INSL6: variants seen among roughly 807,000 people sequenced by gnomAD.
INSL6 encodes the protein insulin-like peptide INSL6.
Under a neutral mutation model 9.4 loss-of-function variants are expected in INSL6, and 16 were observed. The observed-to-expected ratio is 1.70, with a 90% confidence interval of 1.15 to 2.59. INSL6 has a LOEUF of 2.59. Among genes scored for constraint, INSL6 ranks in the 30% most tolerant of loss-of-function variants. INSL6 has a pLI of 0.00. For missense variants in INSL6, 391 were observed against 257.3 expected, an observed-to-expected ratio of 1.52 and a Z score of -3.56; for synonymous variants, 154 against 96.9, an observed-to-expected ratio of 1.59 and a Z score of -3.46.
chr9:5,018,851 C>T, the INSL6 span, among the ~76,000 whole-genome samples: 1 of 152,154 alleles, frequency 6.6e-6, no homozygotes, highest in African/African-American at 2.4e-5. Flanking sequence ...TCTTCCTGGC[C>T]TGTAATGATT....
chr9:5,030,489 T>C, the INSL6 span, among the ~76,000 whole-genome samples: 2 of 152,270 alleles, frequency 1.3e-5, no homozygotes, highest in East Asian at 1.9e-4. Flanking sequence ...TATATACATA[T>C]ATATATAATT....
chr9:5,011,964 T>G, the INSL6 span, among the ~76,000 whole-genome samples: 1 of 152,212 alleles, frequency 6.6e-6, no homozygotes, highest in South Asian at 2.1e-4. Flanking sequence ...ATCCTGACTC[T>G]CCAGGACCAG....
At chr9:5,043,675 AAAATAAT>A in the INSL6 span, among the ~76,000 whole-genome samples, 1 of 152,240 alleles carries the variant, frequency 6.6e-6, no homozygotes, top group South Asian at 2.1e-4. Flanking sequence ...TCACAATAGA[AAAATAAT>A]AGAAACAAAC....
intron 2 of INSL6, among the ~76,000 whole-genome samples, chr9:5,152,945 G>A (rs962613493): frequency 3.3e-5 from 5 of 152,102 alleles, no homozygotes; most frequent in African/African-American, 1.2e-4. Flanking sequence ...AAGCACAAGG[G>A]GTCAGGGAAC....
intron 1 of INSL6, among the ~76,000 whole-genome samples, chr9:5,172,249 T>C (rs1825198562): frequency 6.6e-6 from 1 of 152,056 alleles, no homozygotes; most frequent in Non-Finnish European, 1.5e-5. Context: ...AAGGATCCGC[T>C]ATTTAATAAA....
At chr9:5,112,008 T>C in the INSL6 span, 7 of 387,200 alleles carry the variant, frequency 1.8e-5, no homozygotes, top group Non-Finnish European at 3.6e-5. Flanking sequence ...GACGTCGCAC[T>C]AGCCTGGAGC....
At chr9:5,019,059 T>G in the INSL6 span, among the ~76,000 whole-genome samples, 2 of 152,204 alleles carry the variant, frequency 1.3e-5, no homozygotes, top group African/African-American at 2.4e-5. Flanking sequence ...TTTGTCTTTT[T>G]GGGGATCTCT....
At chr9:5,077,654 G>C in the INSL6 span, 1 of 966,698 alleles carries the variant, frequency 1.0e-6, no homozygotes, top group Non-Finnish European at 1.4e-6. Flanking sequence ...TCTTTACCTG[G>C]AAACAAAAAA....
intron 3 of INSL6, among the ~76,000 whole-genome samples, chr9:5,130,976 G>A (rs564641257): frequency 1.3e-4 from 20 of 151,772 alleles, no homozygotes; most frequent in Non-Finnish European, 1.3e-4. Context: ...TGATCCGCCC[G>A]CCTCGGCCTC....
intron 2 of INSL6, among the ~76,000 whole-genome samples, chr9:5,134,276 T>C (rs551415740): frequency 6.6e-6 from 1 of 152,272 alleles, no homozygotes; most frequent in East Asian, 1.9e-4. Flanking sequence ...CTTCAGGATA[T>C]TATCCACGAG....
At chr9:5,058,853 A>G in the INSL6 span, among the ~76,000 whole-genome samples, 1 of 152,170 alleles carries the variant, frequency 6.6e-6, no homozygotes, top group East Asian at 1.9e-4. Flanking sequence ...AGAAATATAT[A>G]TTCAAGTCCT....
intron 2 of INSL6, among the ~76,000 whole-genome samples, chr9:5,148,941 A>C (rs186236876): frequency 0.011 from 1,553 of 147,336 alleles, 18 homozygotes; most frequent in African/African-American, 0.041. Flanking sequence ...CTGGCCTGCA[A>C]AACAGACATG....
At chr9:5,052,216 A>C in the INSL6 span, among the ~76,000 whole-genome samples, 1 of 152,106 alleles carries the variant, frequency 6.6e-6, no homozygotes, top group East Asian at 1.9e-4. Context: ...CTGTCATCCA[A>C]AGTCTTGGCA....
At chr9:5,179,920 G>C (rs11795305) in intron 1 of INSL6, among the ~76,000 whole-genome samples, 32,983 of 152,110 alleles carry the variant, frequency 0.22, 4,508 homozygotes, top group South Asian at 0.3. Context: ...GTGATAGGAT[G>C]ATCTGTGCAG....
At chr9:5,069,054 G>C in the INSL6 span, 1 of 1,600,746 alleles carries the variant, frequency 6.2e-7, no homozygotes, top group South Asian at 1.1e-5. Context: ...AACACTGTTT[G>C]ATTACAAAAA....
At chr9:5,003,619 T>A in the INSL6 span, among the ~76,000 whole-genome samples, 1 of 152,106 alleles carries the variant, frequency 6.6e-6, no homozygotes, top group African/African-American at 2.4e-5. Flanking sequence ...TTCTTTTAAA[T>A]TTCCTACATA....
chr9:5,035,250 C>T, the INSL6 span, among the ~76,000 whole-genome samples: 2 of 152,108 alleles, frequency 1.3e-5, no homozygotes, highest in African/African-American at 4.8e-5. Flanking sequence ...AATAGTTTAC[C>T]AACCAAAAAA....
the INSL6 span, among the ~76,000 whole-genome samples, chr9:5,107,345 T>C: frequency 6.6e-6 from 1 of 152,284 alleles, no homozygotes; most frequent in South Asian, 2.1e-4. Context: ...GAAGGCAGAT[T>C]TGACCCAATA....
At chr9:5,145,857 G>C (rs1824592719) in intron 2 of INSL6, among the ~76,000 whole-genome samples, 1 of 152,060 alleles carries the variant, frequency 6.6e-6, no homozygotes. Context: ...TTTTTATTAT[G>C]ATTTTTAGCT....
Sources: gnomAD v4.1 joint callset for allele counts (sites outside exome capture counted in the v4.1 genomes callset) on GRCh38, gnomAD v4.1.1 for gene constraint, MANE v1.5 for transcripts, NCBI Gene and HGNC (gene_info 2026-07-23, HGNC 2026-07-21) for gene names.